The following CTDSPL2 variants were observed in gnomAD, a reference collection of about 807,000 sequenced individuals.
CTDSPL2 encodes the protein CTD small phosphatase-like protein 2.
A neutral mutation model predicts 60.0 loss-of-function variants in CTDSPL2; 5 were observed. That is an observed-to-expected ratio of 0.08 (90% CI 0.04 to 0.18). The LOEUF (loss-of-function observed/expected upper bound fraction) is 0.18, where lower values mean the gene tolerates loss of function less well. Among genes scored for constraint, CTDSPL2 ranks in the 10% least tolerant of loss-of-function variants. The pLI is 1.00. For synonymous variants in CTDSPL2, 186 were observed against 189.3 expected (o/e 0.98, Z 0.14); for missense variants, 370 against 548.8 (o/e 0.67, Z 3.26).
At chr15:44,475,436 C>G (rs993736641) in intron 2 of CTDSPL2, among the ~76,000 whole-genome samples, 1 of 152,096 alleles carries the variant, frequency 6.6e-6, no homozygotes, top group Non-Finnish European at 1.5e-5. Flanking sequence ...GTCAGGAGTT[C>G]GAAACCAGTC....
chr15:44,509,207 T>G (rs2081524104), intron 8 of CTDSPL2, among the ~76,000 whole-genome samples: 1 of 152,106 alleles, frequency 6.6e-6, no homozygotes, highest in Non-Finnish European at 1.5e-5. Context: ...TTTTTTTATT[T>G]TTTAATTTTT....
At chr15:44,495,394 A>C (rs1350886645) in intron 5 of CTDSPL2, among the ~76,000 whole-genome samples, 5 of 151,796 alleles carry the variant, frequency 3.3e-5, no homozygotes, top group Non-Finnish European at 5.9e-5. Flanking sequence ...CATCCTAGCT[A>C]ACACTGTGAA....
chr15:44,484,910 A>G lies in CTDSPL2; in HGVS notation c.325+548A>G, dbSNP rs574697391. 2.6e-5 allele frequency among the ~76,000 whole-genome samples: 4 copies of G among 152,332 alleles called. No homozygotes were observed. In the East Asian group the frequency reaches 7.7e-4, roughly 29 times the overall value. On this transcript the variant is annotated intron_variant, in intron 3 of 12. Coordinates refer to ENST00000260327, the MANE Select transcript of CTDSPL2 (RefSeq NM_016396.3). ...CTATTTAGCATAAAAATGTATGTGG[A>G]TCAACATTTTGAACATCTAAATAAA... is the stretch of plus-strand genomic sequence containing the variant.
chr15:44,430,154 C>G (rs2079827565), intron 1 of CTDSPL2, among the ~76,000 whole-genome samples: 1 of 152,200 alleles, frequency 6.6e-6, no homozygotes, highest in Non-Finnish European at 1.5e-5. Context: ...TATTATATAA[C>G]AGAGTCCATC....
Position 44,514,818 on chromosome 15 carries a change from A to C in CTDSPL2, c.1086A>C (p.Ile362=), listed in dbSNP as rs764155288. 1 of 1,600,090 alleles carries C rather than the reference A, an allele frequency of 6.2e-7. No homozygotes were observed. Reference sequence around the variant, plus strand: ...TGTATGCAGACAAGTTACTGAACATACTAGACCCTAAAAAGCAACTGGTCA... The same window carrying C: ...TGTATGCAGACAAGTTACTGAACATCCTAGACCCTAAAAAGCAACTGGTCA... ...KKVYADKLLN[I]LDPKKQLVRH... Residue 362 remains isoleucine (I), a synonymous_variant, in exon 10 of 13, where the codon ATA becomes ATC. Coordinates refer to ENST00000260327, the MANE Select transcript of CTDSPL2 (RefSeq NM_016396.3).
chr15:44,465,712 CTT>C (rs772862374), intron 2 of CTDSPL2, among the ~76,000 whole-genome samples: 5,697 of 127,758 alleles, frequency 0.045, 167 homozygotes, highest in East Asian at 0.21. Flanking sequence ...TCCTCCTCCT[CTT>C]TTTTTTTTTT....
chr15:44,445,165 A>G (rs376543842), intron 1 of CTDSPL2, among the ~76,000 whole-genome samples: 2 of 149,644 alleles, frequency 1.3e-5, no homozygotes, highest in East Asian at 2.0e-4. Flanking sequence ...TATTATTTGT[A>G]TAATAGGTTA....
intron 12 of CTDSPL2, among the ~76,000 whole-genome samples, chr15:44,523,557 G>A (rs1004267498): frequency 6.6e-6 from 1 of 152,198 alleles, no homozygotes; most frequent in African/African-American, 2.4e-5. Context: ...AGTGAACCAG[G>A]ATTGTGCCAC....
At position 44,504,337 on chromosome 15, in the gene CTDSPL2, G is replaced by A. The variant is rs188912784; in HGVS notation, c.969+4524G>A. On this transcript the variant is annotated intron_variant, in intron 8 of 12. Transcript: ENST00000260327. ...TGCACTCCAGCCTGGGCGACAAAGC[G>A]AGTCTCCATCTCAAAAAAGAAAAGA... Among the ~76,000 whole-genome samples, 373 of 152,222 alleles carry A rather than the reference G, an allele frequency of 2.5e-3. 5 individuals are homozygous for A. Among genetic ancestry groups the A allele is most frequent in the African/African-American group, 8.8e-3 (365 of 41,528 alleles).
chr15:44,515,645 C>G (rs1423142955), intron 10 of CTDSPL2, among the ~76,000 whole-genome samples: 2 of 152,034 alleles, frequency 1.3e-5, no homozygotes, highest in Non-Finnish European at 2.9e-5. Flanking sequence ...CTGAGTCTGG[C>G]TAATCACCTG....
intron 10 of CTDSPL2, among the ~76,000 whole-genome samples, chr15:44,516,075 T>C: frequency 6.6e-6 from 1 of 150,826 alleles, no homozygotes; most frequent in East Asian, 2.0e-4. Flanking sequence ...TAAAAGATTC[T>C]CCTGCCTCAG....
intron 1 of CTDSPL2, among the ~76,000 whole-genome samples, chr15:44,443,526 G>A (rs767484973): frequency 4.6e-5 from 7 of 152,182 alleles, no homozygotes; most frequent in African/African-American, 4.8e-5. Context: ...ACAGTAAAGC[G>A]CAAGGATTCT....
chr15:44,493,305 T>C (rs1351226365), intron 5 of CTDSPL2, among the ~76,000 whole-genome samples: 1 of 152,212 alleles, frequency 6.6e-6, no homozygotes, highest in East Asian at 1.9e-4. Flanking sequence ...AGTATTCTTT[T>C]CCTTAACTTT....
At chr15:44,517,925 G>A (rs949422122) in intron 10 of CTDSPL2, among the ~76,000 whole-genome samples, 1 of 152,024 alleles carries the variant, frequency 6.6e-6, no homozygotes, top group African/African-American at 2.4e-5. Context: ...ACTTTCCCGG[G>A]GCCAGATGAT....
intron 2 of CTDSPL2, among the ~76,000 whole-genome samples, chr15:44,463,103 T>C (rs1015572911): frequency 6.6e-6 from 1 of 152,160 alleles, no homozygotes; most frequent in African/African-American, 2.4e-5. Flanking sequence ...CTCAAAGATG[T>C]TACATAAGAT....
At chr15:44,435,309 C>T (rs927265697) in intron 1 of CTDSPL2, among the ~76,000 whole-genome samples, 18 of 150,924 alleles carry the variant, frequency 1.2e-4, no homozygotes, top group African/African-American at 4.4e-4. Flanking sequence ...ATGGCTCACG[C>T]GTGTAATCCC....
At chr15:44,474,284 A>G (rs962078570) in intron 2 of CTDSPL2, among the ~76,000 whole-genome samples, 1 of 152,096 alleles carries the variant, frequency 6.6e-6, no homozygotes, top group Non-Finnish European at 1.5e-5. Flanking sequence ...TGAGCTCAGG[A>G]GTTCAAGACC....
chr15:44,508,525 A>G (rs2081510711), intron 8 of CTDSPL2, among the ~76,000 whole-genome samples: 1 of 152,216 alleles, frequency 6.6e-6, no homozygotes, highest in African/African-American at 2.4e-5. Flanking sequence ...CATACTCTAA[A>G]GTGGATGATT....
chr15:44,482,534 G>A (rs1023638874), intron 2 of CTDSPL2, among the ~76,000 whole-genome samples: 2 of 152,150 alleles, frequency 1.3e-5, no homozygotes, highest in African/African-American at 4.8e-5. Flanking sequence ...TATTATTTCT[G>A]TTCTTCAAAG....
Sources: allele counts gnomAD v4.1 joint callset (sites outside exome capture counted in the v4.1 genomes callset), GRCh38; gene constraint gnomAD v4.1.1; transcripts MANE v1.5; gene names NCBI Gene and HGNC (gene_info 2026-07-23, HGNC 2026-07-21).